EEF1D: variants seen among roughly 807,000 people sequenced by gnomAD.
EEF1D encodes elongation factor 1-delta.
In EEF1D, 47 loss-of-function variants were observed where a neutral mutation model predicts 63.9. That is an observed-to-expected ratio of 0.74 (90% CI 0.58 to 0.94). The LOEUF (loss-of-function observed/expected upper bound fraction) is 0.94. EEF1D is among the 40% of genes least tolerant of loss of function. EEF1D has a pLI of 0.00. For synonymous variants in EEF1D, 412 were observed against 386.1 expected, an observed-to-expected ratio of 1.07 and a Z score of -0.79; for missense variants, 907 against 899.0, an observed-to-expected ratio of 1.01 and a Z score of -0.11.
At chr8:143,586,064 T>C (rs1826525486) in intron 5 of EEF1D, 155 bp downstream of exon 5, 2 of 597,022 alleles carry the variant, frequency 3.3e-6, no homozygotes, top group South Asian at 4.7e-5. Flanking sequence ...AGTCCGGGCA[T>C]GGAGGTCACA....
intron 3 of EEF1D, among the ~76,000 whole-genome samples, chr8:143,588,637 A>G (rs1827184850): frequency 6.6e-6 from 1 of 152,162 alleles, no homozygotes; most frequent in African/African-American, 2.4e-5. Context: ...TCCCGCCCCT[A>G]TAAGTAGCCT....
chr8:143,586,672 C>G, intron 4 of EEF1D, 57 bp downstream of exon 4: 1 of 1,594,408 alleles, frequency 6.3e-7, no homozygotes, highest in Non-Finnish European at 8.5e-7. Context: ...CTTTGTGTGC[C>G]CCGGCCACTC....
At chr8:143,583,001 A>AAT (rs1475700656) in intron 5 of EEF1D, 1 of 152,248 alleles carries the variant, frequency 6.6e-6, no homozygotes, top group Non-Finnish European at 1.5e-5. Flanking sequence ...CCATGGGCTG[A>AAT]ATAATGTCCT....
At chr8:143,587,534 G>C (rs1473874482) in intron 3 of EEF1D, 1 of 152,248 alleles carries the variant, frequency 6.6e-6, no homozygotes, top group Non-Finnish European at 1.5e-5. Context: ...TCACCATGTT[G>C]GCCAGGCTGG....
At position 143,589,520 on chromosome 8, in the gene EEF1D, G is replaced by A. The variant is rs1051738260; in HGVS notation, c.562C>T (p.Pro188Ser). ...VEWSQALLLA[P>S]DGSRRQGTPN... ...GTCCCCTGCCTGCGGCTGCCGTCGG[G>A]GGCCAGCAACAGGGCCTGAGACCAC... Residue 188 changes from proline (P) to serine (S), a missense_variant, in exon 3 of 10, where the codon CCC (proline) becomes TCC (serine). Coordinates refer to ENST00000618139, the MANE Select transcript of EEF1D (RefSeq NM_001130053.5). 6.6e-6 allele frequency: 10 copies of A among 1,511,350 alleles called. No individual in the cohort carries two copies. The highest frequency in any genetic ancestry group is 4.7e-5 in the East Asian group (2 of 42,662). The allele number at this position is 1,511,350 out of a possible 1,614,324, so 93.6% of individuals were successfully genotyped here.
chr8:143,587,148 G>A (rs537299702), intron 3 of EEF1D: 39 of 234,146 alleles, frequency 1.7e-4, no homozygotes, highest in African/African-American at 8.1e-4. Context: ...CAGGTATGAG[G>A]GCCCAGCTGC....
At chr8:143,588,009 C>G (rs889346055) in intron 3 of EEF1D, among the ~76,000 whole-genome samples, 2 of 152,198 alleles carry the variant, frequency 1.3e-5, no homozygotes, top group Non-Finnish European at 2.9e-5. Flanking sequence ...AGTGTCCTCT[C>G]GGTAACAAAG....
At chr8:143,591,996 G>A (rs144706556) in intron 2 of EEF1D, 6 of 977,022 alleles carry the variant, frequency 6.1e-6, no homozygotes, top group Admixed American at 6.2e-5. Context: ...TGGCACCAAC[G>A]AGGAACCGGG....
intron 1 of EEF1D, chr8:143,594,315 G>A (rs1456377477): frequency 6.6e-6 from 1 of 152,248 alleles, no homozygotes; most frequent in African/African-American, 2.4e-5. Flanking sequence ...CAGCTAACAG[G>A]GCCTGTGACA....
chr8:143,586,428 C>T lies in EEF1D; in HGVS notation c.1216-138G>A, dbSNP rs548477046. ...TGCACAGAACGAGAGCTTGGCGGGCCAGAAAAGCGGGAGATGCCTGAGGCT... is the reference window on the plus strand; with the variant it reads ...TGCACAGAACGAGAGCTTGGCGGGCTAGAAAAGCGGGAGATGCCTGAGGCT... On this transcript the variant is annotated intron_variant, in intron 4 of 9. Transcript: ENST00000618139. 1,634 of 866,232 alleles carry T rather than the reference C, an allele frequency of 1.9e-3. 13 individuals are homozygous for T. Among genetic ancestry groups the T allele is most frequent in the Middle Eastern group, 5.8e-3 (16 of 2,740 alleles). The allele number at this position is 866,232 out of a possible 1,614,324, so 53.7% of individuals were successfully genotyped here. A position where few individuals can be genotyped will look rare whatever the true frequency, so the allele number is the denominator to read the frequency against.
chr8:143,588,345 G>A (rs565875063), intron 3 of EEF1D, among the ~76,000 whole-genome samples: 92 of 152,146 alleles, frequency 6.0e-4, no homozygotes, highest in South Asian at 4.1e-3. Context: ...AAGTCCAATC[G>A]TCCACCCACC....
intron 2 of EEF1D, chr8:143,592,320 G>A (rs933495251): frequency 2.7e-5 from 26 of 970,524 alleles, no homozygotes; most frequent in African/African-American, 7.0e-5. Flanking sequence ...TGGGGGCTCC[G>A]GGCAGAAGCC....
intron 5 of EEF1D, chr8:143,583,950 C>T (rs1295069031): frequency 6.6e-6 from 1 of 152,250 alleles, no homozygotes; most frequent in Non-Finnish European, 1.5e-5. Flanking sequence ...GGGCCAAGGA[C>T]CGTGAGCAGC....
At chr8:143,591,830 G>A (rs1828014544) in intron 2 of EEF1D, among the ~76,000 whole-genome samples, 1 of 152,220 alleles carries the variant, frequency 6.6e-6, no homozygotes, top group South Asian at 2.1e-4. Flanking sequence ...TGGCTCCAAC[G>A]CCCCCCGTGG....
chr8:143,581,829 G>A, intron 5 of EEF1D: 1 of 162,438 alleles, frequency 6.2e-6, no homozygotes, highest in South Asian at 1.7e-4. Flanking sequence ...ATCTCACTCA[G>A]CAAGCCAGTC....
intron 3 of EEF1D, chr8:143,587,361 A>G (rs918551633): frequency 2.0e-5 from 3 of 151,902 alleles, no homozygotes; most frequent in Non-Finnish European, 2.9e-5. Context: ...ATGGAGTCTC[A>G]CTCTTGTCGC....
intron 2 of EEF1D, among the ~76,000 whole-genome samples, chr8:143,591,704 C>A (rs1827994489): frequency 6.6e-6 from 1 of 152,256 alleles, no homozygotes; most frequent in Non-Finnish European, 1.5e-5. Context: ...TGACTGGGAC[C>A]ACCTGCCTGG....
In EEF1D at chr8:143,579,887, C is replaced by T. The variant is rs577257604; in HGVS notation, c.1906-57G>A. On this transcript the variant is annotated intron_variant, in intron 9 of 9. Transcript: ENST00000618139. ...TGTTCCCCTACAGCCCACTCGGAGC[C>T]AGGAGCCTCCTCTGAGGTGGGGTTC... is the stretch of plus-strand genomic sequence containing the variant. 59 of 1,538,208 alleles carry T rather than the reference C, an allele frequency of 3.8e-5. No individual in the cohort carries two copies. In the African/African-American group the frequency reaches 8.0e-4, roughly 21 times the overall value.
chr8:143,586,200 G>A lies in EEF1D; in HGVS notation c.1287+19C>T, dbSNP rs367863794. 1.9e-5 allele frequency: 30 copies of A among 1,600,122 alleles called. No homozygotes were observed. Among genetic ancestry groups the A allele is most frequent in the African/African-American group, 9.5e-5 (7 of 74,036 alleles). ...TGGCCGAGCAGGAGCCCGCAGGTCC[G>A]TGGGCCGCGGGTACTCACTCCAGCC... On this transcript the variant is annotated intron_variant, in intron 5 of 9. Transcript: ENST00000618139.
Sources: allele counts gnomAD v4.1 joint callset (sites outside exome capture counted in the v4.1 genomes callset), GRCh38; gene constraint gnomAD v4.1.1; transcripts MANE v1.5; gene names NCBI Gene and HGNC (gene_info 2026-07-23, HGNC 2026-07-21).